ZNF655: variants seen among roughly 807,000 people sequenced by gnomAD.
ZNF655 encodes Vav-interacting Kruppel-like protein 1.
In ZNF655, 3 loss-of-function variants were observed where a neutral mutation model predicts 6.6. The observed-to-expected ratio is 0.46, with a 90% CI of 0.21 to 1.18. The LOEUF (loss-of-function observed/expected upper bound fraction) is 1.18. Ranked by LOEUF, ZNF655 falls within the 50% of genes most tolerant of loss-of-function variation. The pLI is 0.24. For synonymous variants in ZNF655, 178 were observed against 195.0 expected, an observed-to-expected ratio of 0.91 and a Z score of 0.73; for missense variants, 526 against 572.3, an observed-to-expected ratio of 0.92 and a Z score of 0.83.
chr7:99,567,362 C>T (rs1011243392), intron 2 of ZNF655, among the ~76,000 whole-genome samples: 2 of 151,686 alleles, frequency 1.3e-5, no homozygotes, highest in Non-Finnish European at 2.9e-5. Context: ...GGAGAAACCC[C>T]GTCTCTACTA....
chr7:99,558,972 A>T (rs187665464), intron 1 of ZNF655, 185 bp downstream of exon 1: 4 of 152,306 alleles, frequency 2.6e-5, no homozygotes, highest in Admixed American at 1.3e-4. Flanking sequence ...TCGCGGACCG[A>T]GGGCCCCGCC....
rs377052333 is a variant in ZNF655, at chr7:99,572,406, C to G, written c.298C>G (p.Gln100Glu). ...YKSEDRLERL[Q>E]EILRKFLYLE... is the part of the protein sequence containing the mutation. ...GTCTGAGGACAGATTAGAAAGACTTCAGGAAATTCTAAGGAAATTTCTGTA... is the reference window on the plus strand; with the variant it reads ...GTCTGAGGACAGATTAGAAAGACTTGAGGAAATTCTAAGGAAATTTCTGTA... Residue 100 changes from glutamine (Q) to glutamate (E), a missense_variant, in exon 3 of 3, where the codon CAG becomes GAG. Physicochemically the swap from Gln to Glu is conservative, Grantham distance 29. Transcript: ENST00000252713. The G allele has an allele frequency of 6.2e-7, 1 of 1,613,530 alleles. No homozygotes were observed. Among genetic ancestry groups the G allele is most frequent in the African/African-American group, 1.3e-5 (1 of 74,858 alleles).
At position 99,572,520 on chromosome 7, in the gene ZNF655, T is replaced by C; in HGVS notation, c.412T>C (p.Phe138Leu). ...NNECHEPEKS[F>L]SLDSTIDADQ... The stretch of plus-strand genomic sequence containing the variant: ...TGAATGTCATGAACCCGAAAAAAGC[T>C]TCAGTCTGGACTCTACTATTGATGC... The change falls in exon 3 of 3, where the codon TTC (phenylalanine) becomes CTC (leucine). Residue 138 changes from phenylalanine (F) to leucine (L), a missense_variant. Physicochemically the swap from Phe to Leu is conservative, Grantham distance 22 (BLOSUM62 0). Transcript: ENST00000252713. The C allele has an allele frequency of 1.2e-6, 2 of 1,613,996 alleles. No individual in the cohort carries two copies. The highest frequency in any genetic ancestry group is 1.7e-6 in the Non-Finnish European group (2 of 1,179,964).
At chr7:99,566,322 A>G (rs1803630492) in intron 2 of ZNF655, among the ~76,000 whole-genome samples, 1 of 152,176 alleles carries the variant, frequency 6.6e-6, no homozygotes, top group Admixed American at 6.5e-5. Flanking sequence ...AAAAATTCAA[A>G]ATGCCATGAC....
rs770535585 is a variant in ZNF655 at position 99,572,783 on chromosome 7, A to G, written c.675A>G (p.Ser225=). The G allele has an allele frequency of 1.2e-6, 2 of 1,613,360 alleles. No individual in the cohort carries two copies. The highest frequency in any genetic ancestry group is 2.2e-5 in the South Asian group (2 of 90,996). Residue 225 remains serine, a synonymous_variant, in exon 3 of 3, where the codon TCA becomes TCG. Coordinates refer to ENST00000252713, the MANE Select transcript of ZNF655 (RefSeq NM_138494.3). ...GTGGGAAAATTTTCCATCAGAGCTC[A>G]GCCCTTACTAGACATCAGAGAATCC... The part of the protein sequence containing the change: ...DVCGKIFHQS[S]ALTRHQRIHT...
chr7:99,567,942 G>A (rs577157187), intron 2 of ZNF655, among the ~76,000 whole-genome samples: 270 of 151,326 alleles, frequency 1.8e-3, no homozygotes, highest in Middle Eastern at 0.014. Flanking sequence ...GCCTGTGATT[G>A]CAGCTACCCA....
Position 99,576,403 on chromosome 7 carries a change from A to G in ZNF655, c.*2819A>G, listed in dbSNP as rs1185013034. On this transcript the variant is annotated 3_prime_UTR_variant, in exon 3 of 3. Transcript: ENST00000252713. ...TCACATGTATGCGTTTGGTTTAGGA[A>G]TGTGCTTTTGTACTTCCACTTGAAT... The G allele has an allele frequency of 6.6e-6, 1 of 152,664 alleles. No individual in the cohort carries two copies. The highest frequency in any genetic ancestry group is 2.4e-5 in the African/African-American group (1 of 41,452). The allele number at this position is 152,664 out of a possible 1,614,324, so 9.5% of individuals were successfully genotyped here. A position where few individuals can be genotyped will look rare whatever the true frequency, so the allele number is the denominator to read the frequency against.
intron 2 of ZNF655, chr7:99,564,481 C>T (rs1032002003): frequency 1.0e-6 from 1 of 995,742 alleles, no homozygotes; most frequent in African/African-American, 1.7e-5. Flanking sequence ...ACCCTTTATT[C>T]TTTGTGGTTC....
At chr7:99,562,456 A>C (rs144903820) in intron 2 of ZNF655, 6 of 1,614,080 alleles carry the variant, frequency 3.7e-6, no homozygotes, top group Non-Finnish European at 5.1e-6. Context: ...CTCTACAGAG[A>C]AGTGATGTTA....
intron 1 of ZNF655, among the ~76,000 whole-genome samples, chr7:99,559,928 A>C (rs565690917): frequency 9.9e-5 from 15 of 151,698 alleles, no homozygotes; most frequent in Admixed American, 9.2e-4. Context: ...GCACGTGGCC[A>C]ATTTTAAATA....
chr7:99,573,250 C>T lies in ZNF655; in HGVS notation c.1142C>T (p.Thr381Met), dbSNP rs762638994. The T allele has an allele frequency of 5.0e-6, 8 of 1,614,124 alleles. No individual in the cohort carries two copies. Among genetic ancestry groups the T allele is most frequent in the East Asian group, 2.2e-5 (1 of 44,868 alleles). The change falls in exon 3 of 3, where the codon ACG (threonine) becomes ATG (methionine). Residue 381 changes from threonine (T) to methionine (M), a missense_variant. Coordinates refer to ENST00000252713, the MANE Select transcript of ZNF655 (RefSeq NM_138494.3). ...ATTCATTTCAGAGAAAAGCCCTATA[C>T]GTGTAGTGAATGTGGAAAAGACTTC... The part of the protein sequence containing the change: ...QGIHFREKPY[T>M]CSECGKDFRL...
At chr7:99,568,435 A>G (rs371541280) in intron 2 of ZNF655, among the ~76,000 whole-genome samples, 7 of 151,876 alleles carry the variant, frequency 4.6e-5, no homozygotes, top group African/African-American at 1.7e-4. Context: ...TATTTTTAGT[A>G]GAGACAGGGT....
intron 2 of ZNF655, chr7:99,561,879 C>T: frequency 4.7e-6 from 7 of 1,496,618 alleles, no homozygotes; most frequent in Non-Finnish European, 6.3e-6. Context: ...CTCCTTTCTC[C>T]TCCCTCAGCT....
intron 2 of ZNF655, among the ~76,000 whole-genome samples, chr7:99,565,971 C>CAT (rs1803590541): frequency 6.7e-6 from 1 of 148,536 alleles, no homozygotes; most frequent in African/African-American, 2.6e-5. Flanking sequence ...TGTATGTATA[C>CAT]ACACACACAC....
At chr7:99,562,004 G>T in intron 2 of ZNF655, 1 of 1,525,456 alleles carries the variant, frequency 6.6e-7, no homozygotes, top group Non-Finnish European at 8.8e-7. Context: ...CTTTTCCTCA[G>T]GGACTATTGC....
At chr7:99,563,809 C>A in intron 2 of ZNF655, 2 of 1,569,532 alleles carry the variant, frequency 1.3e-6, no homozygotes, top group Non-Finnish European at 8.5e-7. Context: ...GGCAGGCTGC[C>A]CACTGGGACG....
chr7:99,563,619 C>T (rs1401190438), intron 2 of ZNF655, among the ~76,000 whole-genome samples: 1 of 152,100 alleles, frequency 6.6e-6, no homozygotes, highest in Non-Finnish European at 1.5e-5. Flanking sequence ...CACCCAGCCT[C>T]CTTTTTCTTT....
intron 2 of ZNF655, among the ~76,000 whole-genome samples, chr7:99,565,730 A>C (rs1803570630): frequency 6.6e-6 from 1 of 152,222 alleles, no homozygotes; most frequent in South Asian, 2.1e-4. Context: ...GTTGCTTTTC[A>C]CATGGGTAAG....
intron 2 of ZNF655, among the ~76,000 whole-genome samples, chr7:99,569,313 C>T (rs760215475): frequency 1.3e-4 from 20 of 152,226 alleles, no homozygotes; most frequent in Middle Eastern, 3.4e-3. Flanking sequence ...ATTTTGAAAG[C>T]AAAGTTTTGA....
Sources: allele counts gnomAD v4.1 joint callset (sites outside exome capture counted in the v4.1 genomes callset), GRCh38; gene constraint gnomAD v4.1.1; transcripts MANE v1.5; gene names NCBI Gene and HGNC (gene_info 2026-07-23, HGNC 2026-07-21).